The following HIPK2 variants were observed in gnomAD, a reference collection of about 807,000 sequenced individuals.
HIPK2 encodes homeodomain-interacting protein kinase 2.
A neutral mutation model predicts 113.7 loss-of-function variants in HIPK2; 27 were observed. That is an observed-to-expected ratio of 0.24 (90% CI 0.17 to 0.33). The LOEUF is 0.33. Ranked by LOEUF, HIPK2 falls within the 10% of genes least tolerant of loss-of-function variation. HIPK2 has a pLI of 1.00. For synonymous variants in HIPK2, 631 were observed against 642.2 expected (o/e 0.98, Z 0.26); for missense variants, 1,257 against 1,588.0 (o/e 0.79, Z 3.54).
intron 7 of HIPK2, among the ~76,000 whole-genome samples, chr7:139,620,084 G>T (rs4732391): frequency 0.19 from 29,493 of 151,882 alleles, 3,639 homozygotes; most frequent in African/African-American, 0.36. Context: ...TCTTTACCAG[G>T]CACATATCAG....
intron 2 of HIPK2, among the ~76,000 whole-genome samples, chr7:139,699,345 G>A (rs1413230112): frequency 2.0e-5 from 3 of 152,096 alleles, no homozygotes; most frequent in Admixed American, 6.5e-5. Context: ...CTGTGCAGGC[G>A]AAATGGAAAG....
At chr7:139,773,290 A>G (rs1446080825) in intron 1 of HIPK2, among the ~76,000 whole-genome samples, 1 of 152,182 alleles carries the variant, frequency 6.6e-6, no homozygotes, top group Non-Finnish European at 1.5e-5. Context: ...GGAAAAATAA[A>G]GATCTGCCTA....
At chr7:139,700,371 T>C (rs1040681891) in intron 2 of HIPK2, among the ~76,000 whole-genome samples, 33 of 152,222 alleles carry the variant, frequency 2.2e-4, no homozygotes, top group African/African-American at 6.5e-4. Flanking sequence ...GTGCCCTACG[T>C]GATGGGGACA....
intron 2 of HIPK2, among the ~76,000 whole-genome samples, chr7:139,693,364 A>T (rs998309970): frequency 2.0e-5 from 3 of 152,240 alleles, no homozygotes; most frequent in Non-Finnish European, 4.4e-5. Flanking sequence ...AGAGCACCTA[A>T]GTGCATGTCT....
intron 2 of HIPK2, among the ~76,000 whole-genome samples, chr7:139,673,516 G>A (rs749732835): frequency 4.6e-5 from 7 of 152,172 alleles, no homozygotes; most frequent in Non-Finnish European, 7.3e-5. Context: ...AGCCCCTGGA[G>A]GCTGAGGGCT....
At chr7:139,739,097 G>C (rs147714334) in intron 1 of HIPK2, among the ~76,000 whole-genome samples, 1 of 152,078 alleles carries the variant, frequency 6.6e-6, no homozygotes, top group Non-Finnish European at 1.5e-5. Flanking sequence ...GGTAAGTTTC[G>C]GGCAAGTTTT....
At chr7:139,616,047 T>A (rs1800030644) in intron 7 of HIPK2, among the ~76,000 whole-genome samples, 1 of 152,108 alleles carries the variant, frequency 6.6e-6, no homozygotes. Flanking sequence ...ACATTCCCCA[T>A]GGTCTGCTCA....
At position 139,596,748 on chromosome 7, in the gene HIPK2, C is replaced by G. The variant is rs761684082; in HGVS notation, c.2686G>C (p.Glu896Gln). Reference sequence around the variant, plus strand: ...GGGGCGTGTTTCTGTTCCTCCTCCTCGTCCGTGTCACTGCTGATGGTGATG... The same window carrying G: ...GGGGCGTGTTTCTGTTCCTCCTCCTGGTCCGTGTCACTGCTGATGGTGATG... ...SVITISSDTD[E>Q]EEEQKHAPTS... The change falls in exon 12 of 15, where the codon GAG becomes CAG. Residue 896 changes from glutamate (E) to glutamine (Q), a missense_variant. Around this residue, in one of 5 missense-constraint regions of HIPK2, gnomAD observed 862 missense variants for 1,004.3 expected, o/e 0.86. Transcript: ENST00000406875. 1.1e-5 allele frequency: 18 copies of G among 1,612,982 alleles called. No individual in the cohort carries two copies. The Admixed American group carries it at 3.0e-4, about 27-fold the overall frequency.
chr7:139,733,076 T>C (rs780480335), intron 1 of HIPK2, among the ~76,000 whole-genome samples: 7 of 152,106 alleles, frequency 4.6e-5, no homozygotes, highest in Non-Finnish European at 1.0e-4. Flanking sequence ...CACTCTCTCT[T>C]GCTCCTGCTC....
At chr7:139,674,294 T>G (rs1001993567) in intron 2 of HIPK2, among the ~76,000 whole-genome samples, 2 of 151,938 alleles carry the variant, frequency 1.3e-5, no homozygotes, top group African/African-American at 2.4e-5. Context: ...TGGAGTGAGG[T>G]GGGTGTTTGG....
chr7:139,672,696 G>T (rs1802347801), intron 2 of HIPK2, among the ~76,000 whole-genome samples: 1 of 152,162 alleles, frequency 6.6e-6, no homozygotes, highest in Admixed American at 6.5e-5. Flanking sequence ...CTGACCTCAG[G>T]TGATCCACCC....
rs111531677 is a variant in HIPK2, at chr7:139,657,446, C to T, written c.1104-25721G>A. Among the ~76,000 whole-genome samples, 925 of 152,340 alleles carry T rather than the reference C, an allele frequency of 6.1e-3. 5 individuals carry two copies. Among genetic ancestry groups the T allele is most frequent in the African/African-American group, 0.021 (863 of 41,572 alleles). On this transcript the variant is annotated intron_variant, in intron 2 of 14. Coordinates refer to ENST00000406875, the MANE Select transcript of HIPK2 (RefSeq NM_022740.5). ...GTCCCAAATCCCCAGGCCTTATCTA[C>T]GCTGAGCTTATCAGACTTCACCTTC...
rs548803768 is a variant in HIPK2 at position 139,644,169 on chromosome 7, C to CT, written c.1104-12445dup. Among the ~76,000 whole-genome samples the CT allele has an allele frequency of 7.2e-4, 109 of 151,602 alleles. No homozygotes were observed. In the South Asian group the frequency reaches 0.021, roughly 29 times the overall value. Reference sequence around the variant, plus strand: ...CCAGGCTCTTTTTAAATGTTTTTATCTTTTTTTTTAATTATGAAAGAGAAT... The same window carrying CT: ...CCAGGCTCTTTTTAAATGTTTTTATCTTTTTTTTTTAATTATGAAAGAGAAT... On this transcript the variant is annotated intron_variant, in intron 2 of 14. Transcript: ENST00000406875.
chr7:139,728,295 A>C (rs1795650197), intron 1 of HIPK2, among the ~76,000 whole-genome samples: 1 of 152,166 alleles, frequency 6.6e-6, no homozygotes, highest in Non-Finnish European at 1.5e-5. Flanking sequence ...TAAACATAGC[A>C]TATGAATCTG....
At chr7:139,650,090 C>T (rs1801400002) in intron 2 of HIPK2, among the ~76,000 whole-genome samples, 1 of 152,138 alleles carries the variant, frequency 6.6e-6, no homozygotes, top group Non-Finnish European at 1.5e-5. Context: ...TGGCTCACGC[C>T]TGTAATCCTA....
At chr7:139,761,924 A>G (rs1796471032) in intron 1 of HIPK2, among the ~76,000 whole-genome samples, 1 of 152,136 alleles carries the variant, frequency 6.6e-6, no homozygotes. Flanking sequence ...AACAGTGGTC[A>G]TTTCTGGACA....
At chr7:139,747,440 C>T (rs995257887) in intron 1 of HIPK2, among the ~76,000 whole-genome samples, 2 of 152,236 alleles carry the variant, frequency 1.3e-5, no homozygotes, top group Non-Finnish European at 2.9e-5. Flanking sequence ...AAAGAAACAT[C>T]TCGGTCTGCC....
chr7:139,707,879 C>T (rs181133726), intron 2 of HIPK2, among the ~76,000 whole-genome samples: 56 of 152,206 alleles, frequency 3.7e-4, no homozygotes, highest in South Asian at 2.7e-3. Flanking sequence ...CTGCTGTTCA[C>T]CTTTCTATTC....
intron 1 of HIPK2, among the ~76,000 whole-genome samples, chr7:139,718,303 G>A (rs1795307565): frequency 6.6e-6 from 1 of 152,224 alleles, no homozygotes; most frequent in Admixed American, 6.5e-5. Context: ...GCTTCTGCAA[G>A]CCCTGTTGGG....
Sources: allele counts gnomAD v4.1 joint callset (sites outside exome capture counted in the v4.1 genomes callset), GRCh38; gene constraint gnomAD v4.1.1; regional missense constraint gnomAD v4.1.1; transcripts MANE v1.5; gene names NCBI Gene and HGNC (gene_info 2026-07-23, HGNC 2026-07-21).